The following CYYR1 variants were observed in gnomAD, a reference collection of about 807,000 sequenced individuals.
CYYR1 encodes cysteine and tyrosine-rich protein 1.
CYYR1 carries 14 observed loss-of-function variants against 15.2 expected under a neutral mutation model. The observed-to-expected ratio is 0.92, with a 90% confidence interval of 0.61 to 1.44. The LOEUF (loss-of-function observed/expected upper bound fraction) is 1.44, where lower values mean the gene tolerates loss of function less well. Among genes scored for constraint, CYYR1 ranks in the 40% most tolerant of loss-of-function variants. CYYR1 has a pLI of 0.00. For missense variants in CYYR1, 228 were observed against 209.5 expected, an observed-to-expected ratio of 1.09 and a Z score of -0.54; for synonymous variants, 80 against 77.4, an observed-to-expected ratio of 1.03 and a Z score of -0.18.
At chr21:26,477,931 T>C in intron 3 of CYYR1, 1 of 1,316,340 alleles carries the variant, frequency 7.6e-7, no homozygotes, top group Non-Finnish European at 9.7e-7. Flanking sequence ...AAATTGCATG[T>C]TACTTTTGTA....
intron 2 of CYYR1, among the ~76,000 whole-genome samples, chr21:26,509,193 C>T (rs1383928068): frequency 1.3e-5 from 2 of 152,182 alleles, no homozygotes; most frequent in Non-Finnish European, 2.9e-5. Flanking sequence ...ACACTCCTCC[C>T]TCTCAGTCAC....
chr21:26,480,907 T>C (rs550849748), intron 2 of CYYR1, among the ~76,000 whole-genome samples: 1 of 152,300 alleles, frequency 6.6e-6, no homozygotes, highest in East Asian at 1.9e-4. Context: ...AGAACAAGAA[T>C]ATTTGTTTCT....
chr21:26,538,383 A>T (rs1047795179), intron 2 of CYYR1, among the ~76,000 whole-genome samples: 7 of 151,998 alleles, frequency 4.6e-5, no homozygotes, highest in Admixed American at 1.3e-4. Context: ...TTTTAATTGG[A>T]TCTTTCTTAA....
At chr21:26,514,832 T>C (rs1726522167) in intron 2 of CYYR1, among the ~76,000 whole-genome samples, 1 of 152,180 alleles carries the variant, frequency 6.6e-6, no homozygotes, top group Non-Finnish European at 1.5e-5. Context: ...AAATTGAGGC[T>C]TAGACTAAGC....
rs531531915 is a variant in CYYR1 at position 26,558,588 on chromosome 21, T to G, written c.176+7678A>C. On this transcript the variant is annotated intron_variant, in intron 2 of 3. Transcript: ENST00000652641. Reference sequence around the variant, plus strand: ...ATCCAGGTTGCTGCACTCAAAGTATTGAATCCCTGGAAACTTCTCAGTCCT... The same window carrying G: ...ATCCAGGTTGCTGCACTCAAAGTATGGAATCCCTGGAAACTTCTCAGTCCT... 2.5e-3 allele frequency among the ~76,000 whole-genome samples: 385 copies of G among 152,314 alleles called. 2 individuals carry two copies. Among genetic ancestry groups the G allele is most frequent in the Non-Finnish European group, 4.4e-3 (297 of 68,020 alleles).
intron 1 of CYYR1, among the ~76,000 whole-genome samples, chr21:26,572,023 A>G (rs899902858): frequency 6.6e-6 from 1 of 152,216 alleles, no homozygotes; most frequent in Admixed American, 6.5e-5. Context: ...TTGAGTATCA[A>G]AGGTAAATTT....
At chr21:26,471,399 C>G (rs1283522379) in intron 3 of CYYR1, 1 of 152,192 alleles carries the variant, frequency 6.6e-6, no homozygotes, top group Non-Finnish European at 1.5e-5. Flanking sequence ...TTATATTCTG[C>G]CATCTGCATA....
intron 2 of CYYR1, among the ~76,000 whole-genome samples, chr21:26,521,153 G>A (rs1385001631): frequency 6.6e-6 from 1 of 152,148 alleles, no homozygotes; most frequent in African/African-American, 2.4e-5. Context: ...GTTTATCTAT[G>A]TAACAAACCT....
intron 2 of CYYR1, among the ~76,000 whole-genome samples, chr21:26,511,578 T>G (rs2065649283): frequency 6.6e-6 from 1 of 152,240 alleles, no homozygotes; most frequent in South Asian, 2.1e-4. Context: ...TCCCAAGTGC[T>G]GGCTTTTAAA....
rs1980632969 is a variant in CYYR1, at chr21:26,566,515, T to G, written c.74-147A>C. On this transcript the variant is annotated intron_variant, in intron 1 of 3. Transcript: ENST00000652641. ...TTCGTCCTCAGAATTCAAAAACATT[T>G]GTAAGGATCTAAATTAGCCTCTCTT... 10 of 646,848 alleles carry G rather than the reference T, an allele frequency of 1.5e-5. No homozygotes were observed. In the South Asian group the frequency reaches 1.9e-4, roughly 12 times the overall value. 40.1% of individuals were successfully genotyped at this position (646,848 alleles called of 1,614,324 possible).
chr21:26,480,415 G>C lies in CYYR1; in HGVS notation c.191C>G (p.Ala64Gly). The C allele has an allele frequency of 6.2e-7, 1 of 1,610,610 alleles. No individual in the cohort carries two copies. The highest frequency in any genetic ancestry group is 1.7e-4 in the Middle Eastern group (1 of 6,034). The change falls in exon 3 of 4, where the codon GCG becomes GGG. Residue 64 changes from alanine to glycine, a missense_variant. Coordinates refer to ENST00000652641, the MANE Select transcript of CYYR1 (RefSeq NM_001320768.2). The part of the protein sequence containing the change: ...IGNILSGTAI[A>G]GIVFGIVFIM... Reference sequence around the variant, plus strand: ...AAATACTATTCCAAAAACAATGCCCGCAATTGCAGTGCCCCTAAAAGGAAA... The same window carrying C: ...AAATACTATTCCAAAAACAATGCCCCCAATTGCAGTGCCCCTAAAAGGAAA...
At chr21:26,468,700 C>G in intron 3 of CYYR1, 66 bp from the exon 4 acceptor site, 1 of 1,253,702 alleles carries the variant, frequency 8.0e-7, no homozygotes, top group Non-Finnish European at 1.1e-6. Flanking sequence ...TGTGTTGAAG[C>G]CACTGGGCTA....
chr21:26,554,174 A>G (rs1233178833), intron 2 of CYYR1, among the ~76,000 whole-genome samples: 1 of 152,168 alleles, frequency 6.6e-6, no homozygotes, highest in African/African-American at 2.4e-5. Context: ...GGAACACTCA[A>G]TCTATACAGC....
At chr21:26,532,614 TTG>T (rs2065946310) in intron 2 of CYYR1, among the ~76,000 whole-genome samples, 1 of 152,196 alleles carries the variant, frequency 6.6e-6, no homozygotes. Context: ...GTTCCTGCTG[TTG>T]TTTAGCAGCT....
intron 2 of CYYR1, among the ~76,000 whole-genome samples, chr21:26,544,224 C>T (rs1209392308): frequency 6.6e-6 from 1 of 152,170 alleles, no homozygotes; most frequent in African/African-American, 2.4e-5. Flanking sequence ...GAAAACTGTT[C>T]AGCTGCTGTT....
chr21:26,570,290 A>C (rs1214470750), intron 1 of CYYR1, among the ~76,000 whole-genome samples: 1 of 152,200 alleles, frequency 6.6e-6, no homozygotes, highest in Non-Finnish European at 1.5e-5. Flanking sequence ...GTCTGGAAGA[A>C]GGTTCCCCAA....
chr21:26,482,722 A>G (rs993667685), intron 2 of CYYR1, among the ~76,000 whole-genome samples: 2 of 152,132 alleles, frequency 1.3e-5, no homozygotes, highest in African/African-American at 2.4e-5. Context: ...TCTTAGAAAT[A>G]TGAGGGCATT....
intron 2 of CYYR1, among the ~76,000 whole-genome samples, chr21:26,555,482 AAT>A (rs1979707240): frequency 6.6e-6 from 1 of 152,152 alleles, no homozygotes; most frequent in South Asian, 2.1e-4. Context: ...TTGATACAGA[AAT>A]ATGTTTAAAG....
chr21:26,497,223 A>G (rs1300955214), intron 2 of CYYR1, among the ~76,000 whole-genome samples: 1 of 152,172 alleles, frequency 6.6e-6, no homozygotes, highest in Non-Finnish European at 1.5e-5. Context: ...TACGCTCAGC[A>G]GGAAATCCAG....
Sources: allele counts gnomAD v4.1 joint callset (sites outside exome capture counted in the v4.1 genomes callset), GRCh38; gene constraint gnomAD v4.1.1; transcripts MANE v1.5; gene names NCBI Gene and HGNC (gene_info 2026-07-23, HGNC 2026-07-21).